The following CANX variants were observed in gnomAD, a reference collection of about 807,000 sequenced individuals.
CANX encodes epididymis secretory sperm binding protein.
CANX carries 14 observed loss-of-function variants against 75.7 expected under a neutral mutation model. The ratio of observed to expected loss-of-function variants is 0.19; its 90% CI spans 0.12 to 0.29. The LOEUF is 0.29. Among genes scored for constraint, CANX ranks in the 10% least tolerant of loss-of-function variants. The probability of loss-of-function intolerance (pLI) is 1.00; values close to 1 mark genes in which losing one functional copy is unlikely to be tolerated. For missense variants in CANX, 567 were observed against 713.2 expected (o/e 0.79, Z 2.34); for synonymous variants, 227 against 236.9 (o/e 0.96, Z 0.38).
chr5:179,705,275 G>A (rs937380222), intron 1 of CANX, among the ~76,000 whole-genome samples: 2 of 152,186 alleles, frequency 1.3e-5, no homozygotes, highest in Non-Finnish European at 2.9e-5. Context: ...GAGCCACGGC[G>A]CCCGGCCATC....
At chr5:179,680,381 CTT>C (rs1776032142) in intron 1 of CANX, among the ~76,000 whole-genome samples, 1 of 152,116 alleles carries the variant, frequency 6.6e-6, no homozygotes, top group South Asian at 2.1e-4. Flanking sequence ...ATTTGATAGA[CTT>C]GAACTAGCAT....
intron 1 of CANX, among the ~76,000 whole-genome samples, chr5:179,687,100 T>C (rs2113039347): frequency 6.7e-6 from 1 of 150,288 alleles, no homozygotes. Flanking sequence ...TTTGTTTGTT[T>C]GTTTTTTGAG....
intron 14 of CANX, among the ~76,000 whole-genome samples, chr5:179,728,185 C>T (rs1778784111): frequency 6.6e-6 from 1 of 152,162 alleles, no homozygotes; most frequent in Admixed American, 6.6e-5. Context: ...TGATAGAGTA[C>T]AGAGCAGCAG....
chr5:179,724,341 T>C (rs1229517390), intron 12 of CANX, among the ~76,000 whole-genome samples: 1 of 152,234 alleles, frequency 6.6e-6, no homozygotes, highest in Non-Finnish European at 1.5e-5. Flanking sequence ...ACTTTGTAAC[T>C]GGATCCCAAG....
Position 179,728,970 on chromosome 5 carries a change from C to A in CANX, c.*326C>A, listed in dbSNP as rs1285758681. On this transcript the variant is annotated 3_prime_UTR_variant, in exon 15 of 15. Coordinates refer to ENST00000247461, the MANE Select transcript of CANX (RefSeq NM_001746.4). ...ATAGAACTTTGCCAGTCTTTAAGAT[C>A]TTGGCTTAATTTAATGTATTAATCT... 1 of 362,818 alleles carries A rather than the reference C, an allele frequency of 2.8e-6. No individual in the cohort carries two copies. Among genetic ancestry groups the A allele is most frequent in the African/African-American group, 2.1e-5 (1 of 46,528 alleles). The allele number at this position is 362,818 out of a possible 1,614,324, so 22.5% of individuals were successfully genotyped here.
chr5:179,695,410 T>A (rs62404341), upstream of CANX, among the ~76,000 whole-genome samples: 107,948 of 151,534 alleles, frequency 0.71, 40,927 homozygotes, highest in Non-Finnish European at 0.84. Context: ...GCTCACCGCA[T>A]CCTCTGCTTC....
At chr5:179,689,632 C>T (rs988205857) in intron 1 of CANX, among the ~76,000 whole-genome samples, 5 of 152,060 alleles carry the variant, frequency 3.3e-5, no homozygotes, top group African/African-American at 7.2e-5. Flanking sequence ...TCAGCTGATC[C>T]GCCCGCCTCG....
chr5:179,696,262 CATTT>C (rs1358454990), upstream of CANX, among the ~76,000 whole-genome samples: 17 of 127,086 alleles, frequency 1.3e-4, no homozygotes, highest in African/African-American at 5.0e-4. Flanking sequence ...AAGAAAGTGT[CATTT>C]CTTTTTTTTT....
intron 9 of CANX, 43 bp downstream of exon 9, chr5:179,719,824 G>GTTTTTTTTTT (rs747591749): frequency 9.2e-7 from 1 of 1,091,856 alleles, no homozygotes. Context: ...TGGTTTTTTT[G>GTTTTTTTTTT]TTTGTTTTTT....
Position 179,703,225 on chromosome 5 carries a change from C to CT in CANX, c.-3-2440dup, listed in dbSNP as rs545011653. Among the ~76,000 whole-genome samples, 276 of 137,460 alleles carry CT rather than the reference C, an allele frequency of 2.0e-3. 1 individual carries two copies. Among genetic ancestry groups the CT allele is most frequent in the East Asian group, 4.1e-3 (19 of 4,628 alleles). The allele number at this position is 137,460 out of a possible 152,430, so 90.2% of individuals were successfully genotyped here. A position where few individuals can be genotyped will look rare whatever the true frequency, so the allele number is the denominator to read the frequency against. Reference sequence around the variant, plus strand: ...ACCGCGCCTGGTGGAGTGGTGGAGTCTTTTTTTTTTTTTTGAGGTGGAGTC... The same window carrying CT: ...ACCGCGCCTGGTGGAGTGGTGGAGTCTTTTTTTTTTTTTTTGAGGTGGAGTC... On this transcript the variant is annotated intron_variant, in intron 1 of 14. Transcript: ENST00000247461.
In CANX at chr5:179,723,011, G is replaced by T. The variant is rs757188323; in HGVS notation, c.1390G>T (p.Ala464Ser). Residue 464 changes from alanine (A) to serine (S), a missense_variant, in exon 11 of 15, where the codon GCT (alanine) becomes TCT (serine). By Grantham distance (99) the Ala-to-Ser change is moderately conservative. Coordinates refer to ENST00000247461, the MANE Select transcript of CANX (RefSeq NM_001746.4). ...GGGCCTGAAGAAAGCTGCTGATGGG[G>T]CTGCTGAGGTTCGTGTTTGCTGCTT... ...GWGLKKAADG[A>S]AEPGVVGQMI... 5.0e-6 allele frequency: 8 copies of T among 1,613,464 alleles called. No homozygotes were observed. The highest frequency in any genetic ancestry group is 1.1e-5 in the South Asian group (1 of 91,084).
chr5:179,700,321 A>G (rs573196903), intron 1 of CANX: 2 of 152,308 alleles, frequency 1.3e-5, no homozygotes, highest in African/African-American at 4.8e-5. Flanking sequence ...TTAATTTTTT[A>G]ATAAGTAGAT....
At chr5:179,720,368 G>T (rs1340960544) in intron 9 of CANX, 36 bp from the exon 10 acceptor site, 1 of 1,594,492 alleles carries the variant, frequency 6.3e-7, no homozygotes, top group African/African-American at 1.3e-5. Context: ...CTGCATCACA[G>T]AACCTGTTTA....
At chr5:179,686,745 C>G (rs59277839) in intron 1 of CANX, among the ~76,000 whole-genome samples, 1 of 152,040 alleles carries the variant, frequency 6.6e-6, no homozygotes, top group Non-Finnish European at 1.5e-5. Flanking sequence ...GGATTACAGG[C>G]GTGAGCTACC....
chr5:179,703,761 G>T lies in CANX; in HGVS notation c.-3-1918G>T, dbSNP rs567673045. Among the ~76,000 whole-genome samples the T allele has an allele frequency of 2.0e-5, 3 of 152,158 alleles. No individual in the cohort carries two copies. The South Asian group carries it at 6.2e-4, about 32-fold the overall frequency. On this transcript the variant is annotated intron_variant, in intron 1 of 14. Transcript: ENST00000247461. Reference sequence around the variant, plus strand: ...GGGAATAGCATGTAGAGCAGCTATAGAGGGAGAGGGTGCTGATTACTAGCT... The same window carrying T: ...GGGAATAGCATGTAGAGCAGCTATATAGGGAGAGGGTGCTGATTACTAGCT...
At chr5:179,723,619 C>A (rs1026515346) in intron 11 of CANX, 41 bp from the exon 12 acceptor site, 1 of 1,605,262 alleles carries the variant, frequency 6.2e-7, no homozygotes, top group Non-Finnish European at 8.5e-7. Context: ...TGTTTGGTGT[C>A]AAAAGCTGGA....
chr5:179,698,730 C>A, upstream of CANX: 1 of 699,194 alleles, frequency 1.4e-6, no homozygotes, highest in Non-Finnish European at 2.2e-6. Flanking sequence ...GCGTGGCCCG[C>A]CCCTCACCTC....
intron 13 of CANX, 34 bp downstream of exon 13, chr5:179,724,817 C>T: frequency 1.3e-6 from 2 of 1,579,664 alleles, no homozygotes; most frequent in South Asian, 1.1e-5. Context: ...CTGCTTTAAG[C>T]CAAGACCCTA....
At chr5:179,706,408 G>A (rs1777141500) in intron 3 of CANX, 77 bp downstream of exon 3, 1 of 693,788 alleles carries the variant, frequency 1.4e-6, no homozygotes, top group Admixed American at 2.6e-5. Flanking sequence ...TTTTTGGATA[G>A]CATCTTTTAT....
Sources: allele counts gnomAD v4.1 joint callset (sites outside exome capture counted in the v4.1 genomes callset), GRCh38; gene constraint gnomAD v4.1.1; transcripts MANE v1.5; gene names NCBI Gene and HGNC (gene_info 2026-07-23, HGNC 2026-07-21).